Variants in KLRG1 observed in about 807,000 individuals in gnomAD.
KLRG1 encodes killer cell lectin-like receptor subfamily G member 1.
KLRG1 carries 16 observed loss-of-function variants against 21.8 expected under a neutral mutation model. That is an observed-to-expected ratio of 0.73 (90% CI 0.50 to 1.11). The LOEUF is 1.11. Among genes scored for constraint, KLRG1 ranks in the 50% most tolerant of loss-of-function variants. The pLI is 0.00. For missense variants in KLRG1, 173 were observed against 218.3 expected (o/e 0.79, Z 1.31); for synonymous variants, 69 against 75.9 (o/e 0.91, Z 0.47).
rs561177584 is a variant in KLRG1, at chr12:8,979,107, T to G, written c.-155-13099T>G. ...TCAGCTCACTGCAGCCTGTGCCTCC[T>G]GGATTCAAGCAATTCTCCTGCCTCA... On this transcript the variant is annotated intron_variant, in intron 1 of 4. Coordinates refer to the KLRG1 transcript ENST00000539240. 9.1e-4 allele frequency among the ~76,000 whole-genome samples: 138 copies of G among 151,714 alleles called. 1 individual carries two copies. The highest frequency in any genetic ancestry group is 2.1e-4 in the Non-Finnish European group (14 of 67,942).
chr12:9,175,673 A>G, the KLRG1 span, among the ~76,000 whole-genome samples: 2 of 152,244 alleles, frequency 1.3e-5, no homozygotes, highest in Non-Finnish European at 2.9e-5. Flanking sequence ...TCTCAAAAGA[A>G]AACATACATA....
the KLRG1 span, among the ~76,000 whole-genome samples, chr12:9,016,487 C>G: frequency 1.3e-5 from 2 of 152,146 alleles, no homozygotes; most frequent in African/African-American, 2.4e-5. Flanking sequence ...AGACCAATAA[C>G]AGGTAATGAG....
the KLRG1 span, among the ~76,000 whole-genome samples, chr12:9,187,077 CAAAA>C: frequency 4.7e-5 from 6 of 128,710 alleles, no homozygotes; most frequent in Admixed American, 7.7e-5. Context: ...CAAGAAAGGT[CAAAA>C]AAAAAAAAAA....
At chr12:9,201,247 C>T in the KLRG1 span, 7 of 1,350,094 alleles carry the variant, frequency 5.2e-6, no homozygotes, top group Admixed American at 1.5e-4. Context: ...TAAAGTAGTT[C>T]ATCTGTCTAG....
the KLRG1 span, among the ~76,000 whole-genome samples, chr12:9,043,720 G>A: frequency 6.6e-6 from 1 of 152,198 alleles, no homozygotes; most frequent in East Asian, 1.9e-4. Flanking sequence ...TTGAATCCTA[G>A]CTGACCTTAT....
At chr12:9,105,704 C>T in the KLRG1 span, among the ~76,000 whole-genome samples, 1 of 151,996 alleles carries the variant, frequency 6.6e-6, no homozygotes, top group Admixed American at 6.5e-5. Flanking sequence ...AGTGTTTTAC[C>T]CCATGTTCAC....
chr12:9,197,231 T>A, the KLRG1 span: 13 of 707,978 alleles, frequency 1.8e-5, no homozygotes, highest in South Asian at 2.0e-4. Context: ...ATCTTTATCA[T>A]CTGGGTGCCC....
At chr12:9,127,604 G>A in the KLRG1 span, among the ~76,000 whole-genome samples, 1 of 152,268 alleles carries the variant, frequency 6.6e-6, no homozygotes, top group African/African-American at 2.4e-5. Context: ...GGAGTCGGGG[G>A]CGCCTTCCTA....
chr12:9,161,673 TA>T, the KLRG1 span, among the ~76,000 whole-genome samples: 6 of 152,202 alleles, frequency 3.9e-5, no homozygotes, highest in African/African-American at 1.2e-4. Flanking sequence ...CCCATGTTTA[TA>T]AATAGATAAC....
the KLRG1 span, among the ~76,000 whole-genome samples, chr12:9,191,756 C>T: frequency 6.6e-6 from 1 of 152,036 alleles, no homozygotes; most frequent in African/African-American, 2.4e-5. Context: ...TGAAGTGAAT[C>T]CAATTTCGTA....
At chr12:9,154,573 G>T in the KLRG1 span, 3 of 1,561,466 alleles carry the variant, frequency 1.9e-6, no homozygotes, top group East Asian at 2.3e-5. Context: ...CCTCCCAATT[G>T]CCAAGTGAAC....
At chr12:9,143,140 T>G in the KLRG1 span, among the ~76,000 whole-genome samples, 3 of 152,322 alleles carry the variant, frequency 2.0e-5, no homozygotes, top group East Asian at 5.8e-4. Flanking sequence ...GTAAATAATA[T>G]ACCAAGTTAA....
chr12:9,140,963 A>T, the KLRG1 span, among the ~76,000 whole-genome samples: 9 of 152,210 alleles, frequency 5.9e-5, no homozygotes, highest in Non-Finnish European at 1.0e-4. Context: ...TTCTTATTGC[A>T]CTGATGGAAA....
At chr12:9,022,465 T>C in the KLRG1 span, among the ~76,000 whole-genome samples, 6 of 152,232 alleles carry the variant, frequency 3.9e-5, no homozygotes, top group East Asian at 9.6e-4. Context: ...ATATATTTGG[T>C]CTTCCTCCCA....
At chr12:9,154,795 C>G in the KLRG1 span, 4 of 1,614,006 alleles carry the variant, frequency 2.5e-6, no homozygotes, top group African/African-American at 4.0e-5. Flanking sequence ...AGATGCCCCA[C>G]TGGTGCCTTG....
chr12:9,030,870 G>T, the KLRG1 span, among the ~76,000 whole-genome samples: 1 of 152,172 alleles, frequency 6.6e-6, no homozygotes, highest in South Asian at 2.1e-4. Context: ...TTGGCTTGTA[G>T]TTAAGGCAAA....
At chr12:9,206,039 T>C in the KLRG1 span, among the ~76,000 whole-genome samples, 5 of 152,202 alleles carry the variant, frequency 3.3e-5, no homozygotes, top group African/African-American at 1.2e-4. Context: ...TAAGGTTTTG[T>C]TCTCTAGCAG....
chr12:9,000,929 A>G (rs1244288124), intron 3 of KLRG1, among the ~76,000 whole-genome samples: 1 of 152,244 alleles, frequency 6.6e-6, no homozygotes, highest in Non-Finnish European at 1.5e-5. Context: ...GTGTACTTAC[A>G]CAAAATTATA....
the KLRG1 span, chr12:9,196,336 A>C: frequency 1.2e-6 from 2 of 1,605,680 alleles, no homozygotes; most frequent in Non-Finnish European, 1.7e-6. Flanking sequence ...TTACCTGTGC[A>C]AAAAAGGGGA....
Sources: gnomAD v4.1 joint callset for allele counts (sites outside exome capture counted in the v4.1 genomes callset) on GRCh38, gnomAD v4.1.1 for gene constraint, MANE v1.5 for transcripts, NCBI Gene and HGNC (gene_info 2026-07-23, HGNC 2026-07-21) for gene names.